Variants in WWOX observed in about 807,000 individuals in gnomAD.
The protein encoded by WWOX is WW domain containing oxidoreductase.
A neutral mutation model predicts 46.2 loss-of-function variants in WWOX; 69 were observed. That is an observed-to-expected ratio of 1.49 (90% CI 1.23 to 1.82). WWOX has a LOEUF of 1.82. Ranked by LOEUF, WWOX falls within the 40% of genes most tolerant of loss-of-function variation. WWOX has a pLI of 0.00. For missense variants in WWOX, 919 were observed against 542.6 expected, an observed-to-expected ratio of 1.69 and a Z score of -6.89; for synonymous variants, 359 against 202.6, an observed-to-expected ratio of 1.77 and a Z score of -6.56.
In WWOX at chr16:78,692,607, C is replaced by G. The variant is rs193053536; in HGVS notation, c.1056+259855C>G. 4.6e-5 allele frequency among the ~76,000 whole-genome samples: 7 copies of G among 152,290 alleles called. No individual in the cohort carries two copies. The East Asian group carries it at 7.7e-4, about 17-fold the overall frequency. ...CTGTAAGGGCCATATGCCTGAATCT[C>G]TCACCCCCATGTTTATAAAACTTAA... On this transcript the variant is annotated intron_variant, in intron 8 of 8. Transcript: ENST00000566780.
chr16:78,663,953 A>C (rs553728923), intron 8 of WWOX, among the ~76,000 whole-genome samples: 1 of 152,334 alleles, frequency 6.6e-6, no homozygotes, highest in South Asian at 2.1e-4. Context: ...CCAACCACAC[A>C]TGTGCAGCCA....
At chr16:79,062,093 C>T (rs1276815168) in intron 8 of WWOX, among the ~76,000 whole-genome samples, 1 of 152,130 alleles carries the variant, frequency 6.6e-6, no homozygotes, top group African/African-American at 2.4e-5. Context: ...ATACACCTCC[C>T]CACCCCACGT....
Position 78,748,406 on chromosome 16 carries a change from A to T in WWOX, c.1056+315654A>T, listed in dbSNP as rs115614725. Among the ~76,000 whole-genome samples the T allele has an allele frequency of 5.0e-3, 756 of 152,242 alleles. 4 individuals are homozygous for T. The highest frequency in any genetic ancestry group is 0.016 in the African/African-American group (683 of 41,538). Reference sequence around the variant, plus strand: ...TTTCTATCTGCAGTATTTACTGGGCATTTTTCCACGCCAAGCCCTGGGGAT... The same window carrying T: ...TTTCTATCTGCAGTATTTACTGGGCTTTTTTCCACGCCAAGCCCTGGGGAT... On this transcript the variant is annotated intron_variant, in intron 8 of 8. Transcript: ENST00000566780.
Position 78,432,555 on chromosome 16 carries a change from T to A in WWOX, c.859T>A (p.Tyr287Asn). ...TCGCCTCTCTCCAACAAAAAACGAC[T>A]ATTGGGCGATGCTGGCTTATAACAG... ...FSRLSPTKND[Y>N]WAMLAYNRSK... Residue 287 changes from tyrosine to asparagine, a missense_variant, in exon 8 of 9, where the codon TAT becomes AAT. By Grantham distance (143) the Tyr-to-Asn change is moderately radical (BLOSUM62 -2). Coordinates refer to ENST00000566780, the MANE Select transcript of WWOX (RefSeq NM_016373.4). The A allele has an allele frequency of 6.2e-7, 1 of 1,614,194 alleles. No homozygotes were observed. Among genetic ancestry groups the A allele is most frequent in the Non-Finnish European group, 8.5e-7 (1 of 1,180,002 alleles).
At chr16:78,816,602 G>A (rs1289998512) in intron 8 of WWOX, among the ~76,000 whole-genome samples, 2 of 142,426 alleles carry the variant, frequency 1.4e-5, no homozygotes, top group East Asian at 4.2e-4. Context: ...TCATCTTTTG[G>A]GTACTGAGTT....
intron 5 of WWOX, among the ~76,000 whole-genome samples, chr16:78,373,994 C>G (rs984167135): frequency 1.3e-5 from 2 of 152,196 alleles, no homozygotes; most frequent in East Asian, 3.9e-4. Context: ...ACCATGTTGG[C>G]CAGGCTGGTC....
intron 8 of WWOX, among the ~76,000 whole-genome samples, chr16:78,665,240 G>C (rs764363593): frequency 6.6e-6 from 1 of 152,242 alleles, no homozygotes; most frequent in East Asian, 1.9e-4. Context: ...GCTGAATTCC[G>C]GCACTGCCAC....
chr16:79,050,956 A>G (rs2048155166), intron 8 of WWOX, among the ~76,000 whole-genome samples: 1 of 152,262 alleles, frequency 6.6e-6, no homozygotes, highest in Non-Finnish European at 1.5e-5. Context: ...AGCCCAGATT[A>G]GCAGCCTTGA....
At chr16:78,990,351 G>A (rs2046862291) in intron 8 of WWOX, among the ~76,000 whole-genome samples, 1 of 152,158 alleles carries the variant, frequency 6.6e-6, no homozygotes, top group African/African-American at 2.4e-5. Flanking sequence ...TGTGCCTTGA[G>A]AAGGGCCCTG....
chr16:79,146,119 A>G (rs905623774), intron 8 of WWOX, among the ~76,000 whole-genome samples: 1 of 152,198 alleles, frequency 6.6e-6, no homozygotes, highest in Non-Finnish European at 1.5e-5. Context: ...ATTCCTGGTA[A>G]CTTGCATTTT....
chr16:78,790,322 A>T (rs1027251912), intron 8 of WWOX, among the ~76,000 whole-genome samples: 1 of 151,752 alleles, frequency 6.6e-6, no homozygotes, highest in Non-Finnish European at 1.5e-5. Context: ...TTCAGTAGAG[A>T]TGGGGTTTCA....
chr16:78,630,345 A>G (rs1279710230), intron 8 of WWOX, among the ~76,000 whole-genome samples: 4 of 152,136 alleles, frequency 2.6e-5, no homozygotes, highest in Non-Finnish European at 4.4e-5. Flanking sequence ...CCATTCCCAG[A>G]TCAGATAAAG....
At chr16:79,170,836 G>A (rs573353899) in intron 8 of WWOX, among the ~76,000 whole-genome samples, 1 of 152,238 alleles carries the variant, frequency 6.6e-6, no homozygotes, top group East Asian at 1.9e-4. Flanking sequence ...GTCTTTCCAG[G>A]TTTGAGGGTG....
intron 4 of WWOX, among the ~76,000 whole-genome samples, chr16:78,121,195 A>G (rs752856959): frequency 6.6e-6 from 1 of 152,206 alleles, no homozygotes; most frequent in Non-Finnish European, 1.5e-5. Flanking sequence ...CTCATTAAGG[A>G]AAGGAAAATA....
Position 78,622,844 on chromosome 16 carries a change from T to G in WWOX, c.1056+190092T>G, listed in dbSNP as rs113492547. Among the ~76,000 whole-genome samples the G allele has an allele frequency of 7.4e-3, 1,126 of 152,260 alleles. 15 individuals carry two copies. Among genetic ancestry groups the G allele is most frequent in the African/African-American group, 0.026 (1,098 of 41,548 alleles). The stretch of plus-strand genomic sequence containing the variant: ...TAATGAGCAGGGGGATCCTCCTGGG[T>G]GGGCCTGACTTAGTAAGGGGAAAAT... On this transcript the variant is annotated intron_variant, in intron 8 of 8. Coordinates refer to ENST00000566780, the MANE Select transcript of WWOX (RefSeq NM_016373.4).
At chr16:78,642,630 G>T (rs2046747662) in intron 8 of WWOX, among the ~76,000 whole-genome samples, 1 of 152,086 alleles carries the variant, frequency 6.6e-6, no homozygotes, top group African/African-American at 2.4e-5. Flanking sequence ...ACTGCCAGCT[G>T]AGATATGGAT....
intron 8 of WWOX, among the ~76,000 whole-genome samples, chr16:78,787,544 C>T (rs1221540453): frequency 6.6e-6 from 1 of 152,142 alleles, no homozygotes; most frequent in Non-Finnish European, 1.5e-5. Flanking sequence ...GGATATACCA[C>T]TTTTTGTTTA....
intron 8 of WWOX, among the ~76,000 whole-genome samples, chr16:78,995,323 C>T (rs1013428710): frequency 6.6e-6 from 1 of 152,106 alleles, no homozygotes; most frequent in Non-Finnish European, 1.5e-5. Flanking sequence ...CCAATTCCCT[C>T]CCCTCTCCTG....
At chr16:79,036,725 G>A (rs543809550) in intron 8 of WWOX, among the ~76,000 whole-genome samples, 1 of 152,334 alleles carries the variant, frequency 6.6e-6, no homozygotes, top group African/African-American at 2.4e-5. Context: ...AGTGATGTCT[G>A]CAGTGAGCGA....
Sources: allele counts gnomAD v4.1 joint callset (sites outside exome capture counted in the v4.1 genomes callset), GRCh38; gene constraint gnomAD v4.1.1; transcripts MANE v1.5; gene names NCBI Gene and HGNC (gene_info 2026-07-23, HGNC 2026-07-21).